Variants in PDGFA observed in about 807,000 individuals in gnomAD.
PDGFA encodes the protein platelet-derived growth factor subunit A.
A neutral mutation model predicts 25.6 loss-of-function variants in PDGFA; 9 were observed. The ratio of observed to expected loss-of-function variants is 0.35; its 90% CI spans 0.21 to 0.61. The LOEUF (loss-of-function observed/expected upper bound fraction) is 0.61, where lower values mean the gene tolerates loss of function less well. Among genes scored for constraint, PDGFA ranks in the 20% least tolerant of loss-of-function variants. The pLI is 0.75. For missense variants in PDGFA, 242 were observed against 272.8 expected (o/e 0.89, Z 0.79); for synonymous variants, 133 against 111.8 (o/e 1.19, Z -1.20).
chr7:506,676 G>A (rs368626290), intron 4 of PDGFA, among the ~76,000 whole-genome samples: 117 of 152,232 alleles, frequency 7.7e-4, no homozygotes, highest in Non-Finnish European at 1.0e-3. Context: ...TCCTACCCCC[G>A]AGGCTTGGGT....
chr7:503,236 C>A (rs1782425353), intron 4 of PDGFA, among the ~76,000 whole-genome samples: 1 of 152,216 alleles, frequency 6.6e-6, no homozygotes, highest in South Asian at 2.1e-4. Flanking sequence ...CACCTTCCTG[C>A]CCTCCCAGGC....
chr7:512,276 T>G (rs1782887234), intron 3 of PDGFA, 75 bp downstream of exon 3: 1 of 1,217,624 alleles, frequency 8.2e-7, no homozygotes, highest in Non-Finnish European at 1.2e-6. Context: ...CACCCGGCCC[T>G]GCCCTGCCCA....
intron 4 of PDGFA, among the ~76,000 whole-genome samples, chr7:510,179 C>G (rs993774456): frequency 6.6e-6 from 1 of 152,160 alleles, no homozygotes; most frequent in Non-Finnish European, 1.5e-5. Flanking sequence ...GCACTGTGGT[C>G]TAGGGCGTGG....
exon 1 of PDGFA, chr7:519,045 G>A (rs1486163501): frequency 4.8e-6 from 7 of 1,462,676 alleles, no homozygotes; most frequent in African/African-American, 4.4e-5. Context: ...GCGAGGCCGC[G>A]GGGCGGGCGC....
rs375414569 is a variant in PDGFA at position 500,473 on chromosome 7, G to C, written c.580+643C>G. On this transcript the variant is annotated intron_variant, in intron 5 of 5. Coordinates refer to ENST00000402802, the Ensembl canonical transcript of PDGFA. This position sits in a 1 kb window ranked among gnomAD's most constrained non-coding sequence, Gnocchi z 5.0. ...GTGGGTTTTAACCTTTTTCTTTTCC[G>C]TTTTTTACCTGACTCCCTAGGCCTT... The C allele has an allele frequency of 1.2e-6, 2 of 1,614,052 alleles. No individual in the cohort carries two copies. The highest frequency in any genetic ancestry group is 2.2e-5 in the South Asian group (2 of 91,080).
intron 3 of PDGFA, among the ~76,000 whole-genome samples, chr7:511,883 C>T (rs1015897122): frequency 4.6e-5 from 7 of 152,034 alleles, no homozygotes; most frequent in African/African-American, 1.4e-4. Context: ...GCGGGGCACA[C>T]GGGTGTGGTG....
At chr7:505,068 C>T (rs926785837) in intron 4 of PDGFA, among the ~76,000 whole-genome samples, 9 of 152,222 alleles carry the variant, frequency 5.9e-5, no homozygotes, top group African/African-American at 2.2e-4. Context: ...GATTCCGGGC[C>T]GTTCCGCCAC....
intron 4 of PDGFA, among the ~76,000 whole-genome samples, chr7:507,819 A>G (rs1782625818): frequency 6.6e-6 from 1 of 152,138 alleles, no homozygotes; most frequent in Non-Finnish European, 1.5e-5. Flanking sequence ...AGGGGGGCTC[A>G]TGCCAGGGGG....
intron 3 of PDGFA, 70 bp from the exon 4 acceptor site, chr7:511,066 G>T: frequency 7.8e-7 from 1 of 1,280,666 alleles, no homozygotes; most frequent in Non-Finnish European, 1.1e-6. Context: ...GGGCTGAGGC[G>T]GCTCCAGCTG....
chr7:503,567 G>C (rs570483200), intron 4 of PDGFA, among the ~76,000 whole-genome samples: 1 of 152,130 alleles, frequency 6.6e-6, no homozygotes, highest in Non-Finnish European at 1.5e-5. Context: ...TTGGGGGGAA[G>C]GGGGGACTCC....
chr7:497,970 A>C (rs1225481522), exon 6 of PDGFA: 4 of 133,408 alleles, frequency 3.0e-5, no homozygotes, highest in South Asian at 4.9e-4. Context: ...AAAAAAAAAA[A>C]AAACAAAACA....
exon 6 of PDGFA, chr7:498,563 C>T: frequency 3.1e-6 from 5 of 1,609,504 alleles, no homozygotes; most frequent in Non-Finnish European, 4.2e-6. Flanking sequence ...GCGGCTCATC[C>T]TCACCTCACA....
At chr7:519,915 C>CCA (rs1765676185), upstream of PDGFA, 1 of 7,298 alleles carries the variant, frequency 1.4e-4, no homozygotes, top group Non-Finnish European at 5.3e-4. Flanking sequence ...CCCGCCCCCG[C>CCA]CCCCCCCCCC....
chr7:518,979 A>G, exon 1 of PDGFA: 1 of 1,542,330 alleles, frequency 6.5e-7, no homozygotes, highest in Non-Finnish European at 8.7e-7. Flanking sequence ...GCCGAGGAGC[A>G]GCAGGCAAGC....
intron 3 of PDGFA, among the ~76,000 whole-genome samples, chr7:512,065 G>A (rs762265111): frequency 1.3e-5 from 2 of 152,232 alleles, no homozygotes; most frequent in Non-Finnish European, 2.9e-5. Context: ...AATTTATGAT[G>A]GCTCTTCTCT....
At chr7:502,592 C>A (rs1234164906) in intron 4 of PDGFA, among the ~76,000 whole-genome samples, 1 of 152,216 alleles carries the variant, frequency 6.6e-6, no homozygotes, top group Non-Finnish European at 1.5e-5. Context: ...GGGTTCCCCT[C>A]TTCGGACTGG....
intron 4 of PDGFA, among the ~76,000 whole-genome samples, chr7:510,395 C>T (rs1782745269): frequency 1.3e-5 from 2 of 151,660 alleles, no homozygotes; most frequent in Admixed American, 1.3e-4. Flanking sequence ...TAGGGGCGAC[C>T]CTCAGGCCTG....
intron 5 of PDGFA, among the ~76,000 whole-genome samples, chr7:498,939 T>C (rs949028850): frequency 1.3e-5 from 2 of 152,244 alleles, no homozygotes; most frequent in Admixed American, 6.5e-5. Flanking sequence ...GGCAGCCACC[T>C]TGGGCCATGA....
chr7:519,647 G>T (rs1364343473), upstream of PDGFA, among the ~76,000 whole-genome samples: 1 of 145,518 alleles, frequency 6.9e-6, no homozygotes, highest in East Asian at 2.0e-4. Flanking sequence ...CGCTCGCCGG[G>T]GCCGGGCAGC....
Sources: allele counts gnomAD v4.1 joint callset (sites outside exome capture counted in the v4.1 genomes callset), GRCh38; gene constraint gnomAD v4.1.1; non-coding constraint Gnocchi (gnomAD v3.1); transcripts MANE v1.5; gene names NCBI Gene and HGNC (gene_info 2026-07-23, HGNC 2026-07-21).